Variants in AXDND1 observed in about 807,000 individuals in gnomAD.
AXDND1 encodes axonemal dynein light chain domain containing 1, also known as axonemal dynein light chain domain-containing protein 1.
AXDND1 carries 110 observed loss-of-function variants against 137.5 expected under a neutral mutation model. That is an observed-to-expected ratio of 0.80 (90% CI 0.69 to 0.94). The LOEUF (loss-of-function observed/expected upper bound fraction) is 0.94, where lower values mean the gene tolerates loss of function less well. Ranked by LOEUF, AXDND1 falls within the 40% of genes least tolerant of loss-of-function variation. AXDND1 has a pLI of 0.00. For synonymous variants in AXDND1, 414 were observed against 399.7 expected (o/e 1.04, Z -0.43); for missense variants, 1,191 against 1,169.8 (o/e 1.02, Z -0.26).
In AXDND1 at chr1:179,488,634, C is replaced by CTCT. The variant is rs376189496; in HGVS notation, c.2092-2904_2092-2903insTCT. On this transcript the variant is annotated intron_variant, in intron 18 of 25. Transcript: ENST00000367618. ...TTTCTTTCTTTCTCTCTCTCTCTCT[C>CTCT]CTTTCTTTCTTTCTTTCTTTCTTTC... is the stretch of plus-strand genomic sequence containing the variant. 4.2e-3 allele frequency among the ~76,000 whole-genome samples: 439 copies of CTCT among 105,240 alleles called. 31 individuals carry two copies. The highest frequency in any genetic ancestry group is 0.018 in the East Asian group (70 of 3,848). 69.0% of individuals were successfully genotyped at this position (105,240 alleles called of 152,430 possible).
intron 25 of AXDND1, among the ~76,000 whole-genome samples, chr1:179,536,486 T>C (rs986378743): frequency 2.0e-5 from 3 of 152,226 alleles, no homozygotes; most frequent in Admixed American, 6.5e-5. Context: ...CTCCATTGCT[T>C]GTTTTTGTCA....
intron 12 of AXDND1, among the ~76,000 whole-genome samples, chr1:179,425,835 CTTTTT>C (rs11300946): frequency 2.0e-5 from 2 of 101,104 alleles, no homozygotes. Context: ...TGTGGAAGCT[CTTTTT>C]TTTTTTTTTT....
At position 179,447,288 on chromosome 1, in the gene AXDND1, C is replaced by CT. The variant is rs141998024; in HGVS notation, c.1798+2084_1798+2085insT. Among the ~76,000 whole-genome samples, 363 of 152,326 alleles carry CT rather than the reference C, an allele frequency of 2.4e-3. 1 individual carries two copies. The highest frequency in any genetic ancestry group is 7.8e-3 in the African/African-American group (323 of 41,578). ...TCCACAAGATCAAATTTTTTAGGTT[C>CT]CACACATGAGTGAGAACATGCAATA... On this transcript the variant is annotated intron_variant, in intron 16 of 25. Coordinates refer to ENST00000367618, the MANE Select transcript of AXDND1 (RefSeq NM_144696.6).
At chr1:179,376,040 T>C (rs1296381954) in intron 4 of AXDND1, among the ~76,000 whole-genome samples, 1 of 152,152 alleles carries the variant, frequency 6.6e-6, no homozygotes, top group Non-Finnish European at 1.5e-5. Context: ...GCACACCCTC[T>C]CCCACCATTT....
intron 20 of AXDND1, among the ~76,000 whole-genome samples, chr1:179,507,795 G>A (rs1668674390): frequency 6.6e-6 from 1 of 151,694 alleles, no homozygotes; most frequent in African/African-American, 2.4e-5. Flanking sequence ...AAAAAGATAA[G>A]GACTATTAGG....
intron 10 of AXDND1, among the ~76,000 whole-genome samples, chr1:179,394,810 C>A (rs979947425): frequency 6.6e-6 from 1 of 152,046 alleles, no homozygotes; most frequent in Non-Finnish European, 1.5e-5. Flanking sequence ...GCAGGGTAGA[C>A]CAGCATGGCG....
intron 20 of AXDND1, among the ~76,000 whole-genome samples, chr1:179,497,105 A>G (rs925897119): frequency 1.3e-5 from 2 of 152,028 alleles, no homozygotes; most frequent in Admixed American, 6.6e-5. Context: ...TTGTTTGAGA[A>G]CCTAGAACAT....
intron 21 of AXDND1, among the ~76,000 whole-genome samples, chr1:179,518,824 A>G (rs980952103): frequency 3.9e-5 from 6 of 152,022 alleles, no homozygotes; most frequent in African/African-American, 9.7e-5. Flanking sequence ...TGTCATTGCT[A>G]TTGTGTATAG....
intron 23 of AXDND1, among the ~76,000 whole-genome samples, chr1:179,529,318 T>G (rs933246918): frequency 3.3e-5 from 5 of 152,250 alleles, no homozygotes; most frequent in Admixed American, 6.5e-5. Flanking sequence ...CATCCTAAAG[T>G]TAAGAACCAT....
intron 21 of AXDND1, among the ~76,000 whole-genome samples, chr1:179,511,316 A>G (rs929197864): frequency 1.4e-5 from 2 of 146,560 alleles, no homozygotes; most frequent in Admixed American, 7.0e-5. Flanking sequence ...AATCATATAC[A>G]TAATATGATT....
intron 12 of AXDND1, among the ~76,000 whole-genome samples, chr1:179,416,244 C>T (rs1654691877): frequency 6.6e-6 from 1 of 152,140 alleles, no homozygotes; most frequent in Admixed American, 6.5e-5. Flanking sequence ...CAGTTTCATC[C>T]ATGTTGCTGC....
chr1:179,553,729 A>G (rs1045612184), intron 25 of AXDND1, among the ~76,000 whole-genome samples: 3 of 152,098 alleles, frequency 2.0e-5, no homozygotes, highest in Non-Finnish European at 2.9e-5. Context: ...ACAGTTTAAA[A>G]TAGCAAAAAT....
In AXDND1 at chr1:179,445,156, A is replaced by C; in HGVS notation, c.1750A>C (p.Ile584Leu). 2 of 1,610,594 alleles carry C rather than the reference A, an allele frequency of 1.2e-6. No homozygotes were observed. The highest frequency in any genetic ancestry group is 1.7e-6 in the Non-Finnish European group (2 of 1,177,968). Residue 584 changes from isoleucine to leucine, a missense_variant, in exon 16 of 26, where the codon ATA becomes CTA. Transcript: ENST00000367618. ...GTACATGGAGGAAATTATCAAAAAC[A>C]TACAAAAACTCTACAAAGAATATGA... ...RQYMEEIIKN[I>L]QKLYKEYEIR...
rs576906895 is a variant in AXDND1, at chr1:179,528,316, C to T, written c.2611-11C>T. 16 of 1,602,428 alleles carry T rather than the reference C, an allele frequency of 1.0e-5. No homozygotes were observed. The African/African-American group carries it at 2.0e-4, about 20-fold the overall frequency. On this transcript the variant is annotated splice_polypyrimidine_tract_variant and intron_variant, in intron 22 of 25. Coordinates refer to ENST00000367618, the MANE Select transcript of AXDND1 (RefSeq NM_144696.6). ...AGCTTGCTAACAGGTCCGCATGTTT[C>T]TGTGTTCTAGCAACCTTCAACATCT...
At position 179,436,941 on chromosome 1, in the gene AXDND1, T is replaced by C. The variant is rs903025463; in HGVS notation, c.1563+4599T>C. 4.4e-4 allele frequency among the ~76,000 whole-genome samples: 67 copies of C among 152,042 alleles called. 1 individual carries two copies. Among genetic ancestry groups the C allele is most frequent in the Non-Finnish European group, 7.4e-5 (5 of 68,018 alleles). On this transcript the variant is annotated intron_variant, in intron 15 of 25. Transcript: ENST00000367618. ...TCTTCTTTGAATATATATTTGCTTA[T>C]GCAGGGTAAAGATTAGTAACTTTTG...
At chr1:179,435,231 T>C (rs7529183) in intron 15 of AXDND1, among the ~76,000 whole-genome samples, 52,955 of 151,956 alleles carry the variant, frequency 0.35, 9,423 homozygotes, top group Middle Eastern at 0.44. Context: ...TCCTCATGGA[T>C]AGGAAAAATC....
In AXDND1 at chr1:179,429,620, G is replaced by GT. The variant is rs771753108; in HGVS notation, c.1332+2dup. ...TTTCATCATACTGCTATCAAACAAGGTAAAGGTCAATTATCTTCAGTTATG... is the reference window on the plus strand; with the variant it reads ...TTTCATCATACTGCTATCAAACAAGGTTAAAGGTCAATTATCTTCAGTTATG... On this transcript the variant is annotated splice_donor_variant, in intron 13 of 25. Transcript: ENST00000367618. LOFTEE classifies it high-confidence loss of function. 2 of 1,539,428 alleles carry GT rather than the reference G, an allele frequency of 1.3e-6. No homozygotes were observed. The highest frequency in any genetic ancestry group is 1.7e-6 in the Non-Finnish European group (2 of 1,143,104).
chr1:179,400,198 T>TA (rs2125165090), intron 11 of AXDND1, among the ~76,000 whole-genome samples: 1 of 152,026 alleles, frequency 6.6e-6, no homozygotes, highest in African/African-American at 2.4e-5. Context: ...AACGAGTGGA[T>TA]AAAAAAACTG....
At chr1:179,367,346 T>C (rs1283764943) in intron 2 of AXDND1, among the ~76,000 whole-genome samples, 1 of 151,858 alleles carries the variant, frequency 6.6e-6, no homozygotes, top group Non-Finnish European at 1.5e-5. Context: ...AGAAACTCTG[T>C]CTACTAAAAA....
Sources: allele counts gnomAD v4.1 joint callset (sites outside exome capture counted in the v4.1 genomes callset), GRCh38; gene constraint gnomAD v4.1.1; transcripts MANE v1.5; gene names NCBI Gene and HGNC (gene_info 2026-07-23, HGNC 2026-07-21).